The following HELLS variants were observed in gnomAD, a reference collection of about 807,000 sequenced individuals.
HELLS encodes lymphoid-specific helicase.
In HELLS, 32 loss-of-function variants were observed where a neutral mutation model predicts 120.0. The observed-to-expected ratio is 0.27, with a 90% confidence interval of 0.20 to 0.36. HELLS has a LOEUF of 0.36. HELLS is among the 10% of genes least tolerant of loss of function. The pLI, the probability that HELLS is intolerant of heterozygous loss-of-function variation, is 1.00. For synonymous variants in HELLS, 341 were observed against 323.4 expected, an observed-to-expected ratio of 1.05 and a Z score of -0.58; for missense variants, 650 against 993.4, an observed-to-expected ratio of 0.65 and a Z score of 4.65.
downstream of HELLS, among the ~76,000 whole-genome samples, chr10:94,603,588 C>A (rs894863251): frequency 6.6e-6 from 1 of 152,168 alleles, no homozygotes; most frequent in Non-Finnish European, 1.5e-5. Flanking sequence ...CCAGCCAGAA[C>A]CTTTCTCCTG....
chr10:94,547,267 A>G (rs962617425), intron 2 of HELLS, among the ~76,000 whole-genome samples: 2 of 152,120 alleles, frequency 1.3e-5, no homozygotes, highest in Non-Finnish European at 2.9e-5. Context: ...AATTTATTAA[A>G]CTCTACCGAT....
Position 94,590,531 on chromosome 10 carries a change from A to T in HELLS, c.1607A>T (p.Gln536Leu), listed in dbSNP as rs749516104. Reference protein sequence around the residue: ...NELEKLISQIQPEVDRERAVV... With the variant: ...NELEKLISQILPEVDRERAVV... ...TTGGAAAAACTGATCAGTCAAATAC[A>T]GCCAGAGGTGGACCGAGAAAGGTTT... The change falls in exon 14 of 22, where the codon CAG becomes CTG. Residue 536 changes from glutamine to leucine, a missense_variant. Around this residue, in one of 9 missense-constraint regions of HELLS, gnomAD observed 191 missense variants for 259.7 expected, o/e 0.74. Transcript: ENST00000348459. The T allele has an allele frequency of 6.2e-7, 1 of 1,611,132 alleles. No homozygotes were observed.
At chr10:94,574,911 G>A (rs941007664) in intron 9 of HELLS, among the ~76,000 whole-genome samples, 175 bp downstream of exon 9, 1 of 152,082 alleles carries the variant, frequency 6.6e-6, no homozygotes, top group Admixed American at 6.5e-5. Flanking sequence ...TATAGTATAG[G>A]TTTTGGAAAT....
intron 10 of HELLS, among the ~76,000 whole-genome samples, chr10:94,579,675 G>A (rs1200302102): frequency 6.6e-6 from 1 of 151,696 alleles, no homozygotes; most frequent in Non-Finnish European, 1.5e-5. Context: ...CTGAGTAGCC[G>A]GGACTACAGG....
chr10:94,577,995 G>A (rs956120391), intron 10 of HELLS, among the ~76,000 whole-genome samples: 27 of 151,416 alleles, frequency 1.8e-4, no homozygotes, highest in African/African-American at 6.1e-4. Context: ...CCCGGGAAGC[G>A]GAGCTTGCAG....
chr10:94,574,922 C>A (rs148780585), intron 9 of HELLS, among the ~76,000 whole-genome samples, 186 bp downstream of exon 9: 1 of 152,202 alleles, frequency 6.6e-6, no homozygotes, highest in East Asian at 1.9e-4. Context: ...TTTTGGAAAT[C>A]CCTGACATCT....
chr10:94,579,126 C>G lies in HELLS; in HGVS notation c.1033-2200C>G, dbSNP rs1844678169. ...TCTTTACAGTAAAAGTAATATATAC[C>G]AATTTTTTTTAAAGGGTAGTGTACA... On this transcript the variant is annotated intron_variant, in intron 10 of 21. Transcript: ENST00000348459. Among the ~76,000 whole-genome samples, 2 of 151,680 alleles carry G rather than the reference C, an allele frequency of 1.3e-5. 1 individual carries two copies. The highest frequency in any genetic ancestry group is 1.3e-4 in the Admixed American group (2 of 15,238).
intron 7 of HELLS, among the ~76,000 whole-genome samples, chr10:94,572,106 T>G (rs577841064): frequency 6.6e-6 from 1 of 152,334 alleles, no homozygotes; most frequent in South Asian, 2.1e-4. Context: ...TAAAAGTGTC[T>G]TGGTTTTTAT....
chr10:94,555,371 A>T (rs1454838237), intron 3 of HELLS, among the ~76,000 whole-genome samples: 2 of 152,088 alleles, frequency 1.3e-5, no homozygotes, highest in African/African-American at 4.8e-5. Flanking sequence ...CAGGAGGCGG[A>T]GGTTGCAGTG....
chr10:94,552,496 T>C (rs987263291), intron 2 of HELLS, among the ~76,000 whole-genome samples: 22 of 152,242 alleles, frequency 1.4e-4, no homozygotes, highest in African/African-American at 5.3e-4. Flanking sequence ...TTTTTCAGGA[T>C]TTAGATAGTA....
intron 2 of HELLS, among the ~76,000 whole-genome samples, chr10:94,552,788 A>G (rs968089497): frequency 2.0e-5 from 3 of 149,772 alleles, no homozygotes; most frequent in African/African-American, 7.4e-5. Context: ...CCTTAGCAAT[A>G]TGGTGAAACC....
downstream of HELLS, among the ~76,000 whole-genome samples, chr10:94,606,550 A>C (rs559968798): frequency 1.1e-3 from 164 of 151,682 alleles, no homozygotes; most frequent in Admixed American, 3.5e-3. Context: ...GGGTCTTGCT[A>C]TGTTGCCCAG....
At chr10:94,575,884 G>A (rs1483913084) in intron 9 of HELLS, among the ~76,000 whole-genome samples, 1 of 150,512 alleles carries the variant, frequency 6.6e-6, no homozygotes, top group Non-Finnish European at 1.5e-5. Flanking sequence ...TGCAACCTCC[G>A]CCTCCCGGGT....
In HELLS at chr10:94,545,800, C is replaced by A. The variant is rs1842715200; in HGVS notation, c.-122C>A. On this transcript the variant is annotated 5_prime_UTR_variant, in exon 1 of 22. Transcript: ENST00000348459. ...AGGATTTTCCCGCGAAGGAGAAGCGCGCTTTTTTCCCTGGCGGGGGATTTG... is the reference window on the plus strand; with the variant it reads ...AGGATTTTCCCGCGAAGGAGAAGCGAGCTTTTTTCCCTGGCGGGGGATTTG... 1 of 1,138,890 alleles carries A rather than the reference C, an allele frequency of 8.8e-7. No individual in the cohort carries two copies. The highest frequency in any genetic ancestry group is 2.6e-5 in the East Asian group (1 of 38,936). 70.5% of individuals were successfully genotyped at this position (1,138,890 alleles called of 1,614,324 possible).
chr10:94,574,450 A>G, intron 8 of HELLS, 104 bp from the exon 9 acceptor site: 1 of 905,402 alleles, frequency 1.1e-6, no homozygotes. Flanking sequence ...CTTTAACATA[A>G]TTCTCATCTT....
downstream of HELLS, among the ~76,000 whole-genome samples, chr10:94,606,666 G>A (rs1361336958): frequency 6.6e-6 from 1 of 152,104 alleles, no homozygotes; most frequent in Admixed American, 6.6e-5. Flanking sequence ...CCTAGAACTC[G>A]TAACAAAATT....
intron 3 of HELLS, among the ~76,000 whole-genome samples, chr10:94,555,319 C>T (rs1208736446): frequency 2.6e-5 from 4 of 152,084 alleles, no homozygotes; most frequent in Non-Finnish European, 5.9e-5. Flanking sequence ...TGCCTGTAAG[C>T]CCAGCTACTC....
intron 6 of HELLS, chr10:94,569,995 G>A (rs1320139955): frequency 1.3e-5 from 2 of 151,526 alleles, no homozygotes; most frequent in Non-Finnish European, 2.9e-5. Flanking sequence ...GTAACTATAA[G>A]TTAAATACGG....
At chr10:94,569,567 A>G (rs1292238856) in intron 6 of HELLS, 1 of 151,978 alleles carries the variant, frequency 6.6e-6, no homozygotes, top group Admixed American at 6.6e-5. Flanking sequence ...AAATTTCTCA[A>G]TAGGCTAATT....
Sources: allele counts gnomAD v4.1 joint callset (sites outside exome capture counted in the v4.1 genomes callset), GRCh38; gene constraint gnomAD v4.1.1; regional missense constraint gnomAD v4.1.1; transcripts MANE v1.5; gene names NCBI Gene and HGNC (gene_info 2026-07-23, HGNC 2026-07-21).